Variants in MCUB observed in about 807,000 individuals in gnomAD.
The protein encoded by MCUB is calcium uniporter regulatory subunit MCUb, mitochondrial.
In MCUB, 46 loss-of-function variants were observed where a neutral mutation model predicts 41.4. The observed-to-expected ratio is 1.11, with a 90% CI of 0.88 to 1.42. MCUB has a LOEUF of 1.42. Ranked by LOEUF, MCUB falls within the 40% of genes most tolerant of loss-of-function variation. The probability of loss-of-function intolerance (pLI) is 0.00; values close to 1 mark genes in which losing one functional copy is unlikely to be tolerated. For synonymous variants in MCUB, 148 were observed against 148.2 expected (o/e 1.00, Z 0.01); for missense variants, 403 against 404.9 (o/e 1.00, Z 0.04).
intron 1 of MCUB, 66 bp downstream of exon 1, chr4:109,560,502 T>G: frequency 1.3e-6 from 1 of 765,718 alleles, no homozygotes; most frequent in South Asian, 5.9e-5. Flanking sequence ...TTGGACAACT[T>G]TGGCGGGAGC....
intron 1 of MCUB, among the ~76,000 whole-genome samples, chr4:109,585,704 A>C (rs532742750): frequency 3.9e-5 from 6 of 152,296 alleles, no homozygotes; most frequent in Admixed American, 3.9e-4. Flanking sequence ...TCCTTCACTT[A>C]TGAAGCTTAG....
At chr4:109,629,181 G>A (rs1053336461) in intron 1 of MCUB, among the ~76,000 whole-genome samples, 2 of 151,758 alleles carry the variant, frequency 1.3e-5, no homozygotes, top group Non-Finnish European at 1.5e-5. Context: ...CTATCACCCA[G>A]GCTGGAGTGC....
chr4:109,673,719 A>C (rs1357386931), intron 4 of MCUB: 1 of 488,666 alleles, frequency 2.0e-6, no homozygotes, highest in Admixed American at 3.7e-5. Flanking sequence ...TTGGGGTATG[A>C]AAATTAAGTT....
chr4:109,598,994 A>G (rs867875164), intron 1 of MCUB, among the ~76,000 whole-genome samples: 1 of 152,200 alleles, frequency 6.6e-6, no homozygotes, highest in African/African-American at 2.4e-5. Flanking sequence ...TTAAATTTTG[A>G]CTTTTGGATG....
intron 1 of MCUB, among the ~76,000 whole-genome samples, chr4:109,610,807 A>G (rs541999460): frequency 6.6e-6 from 1 of 152,190 alleles, no homozygotes; most frequent in Non-Finnish European, 1.5e-5. Context: ...ACAGTATCTT[A>G]CTATATTGAA....
At chr4:109,654,230 A>G (rs1297988890) in intron 1 of MCUB, among the ~76,000 whole-genome samples, 1 of 151,928 alleles carries the variant, frequency 6.6e-6, no homozygotes, top group Non-Finnish European at 1.5e-5. Flanking sequence ...GTAATTTTAT[A>G]TTGCTTCCAA....
chr4:109,687,350 C>T (rs1411779868), intron 7 of MCUB, among the ~76,000 whole-genome samples, 165 bp from the exon 8 acceptor site: 1 of 152,040 alleles, frequency 6.6e-6, no homozygotes, highest in Non-Finnish European at 1.5e-5. Flanking sequence ...CAGAATGAAA[C>T]CCCATCTCAA....
intron 1 of MCUB, among the ~76,000 whole-genome samples, chr4:109,581,148 A>C (rs1020649019): frequency 3.3e-5 from 5 of 152,260 alleles, no homozygotes; most frequent in African/African-American, 1.2e-4. Flanking sequence ...GGCTACAGTA[A>C]CCAAAACAGC....
intron 1 of MCUB, among the ~76,000 whole-genome samples, chr4:109,594,524 C>A (rs907360365): frequency 1.3e-5 from 2 of 152,048 alleles, no homozygotes; most frequent in Admixed American, 6.6e-5. Flanking sequence ...GGTGTGGTGG[C>A]GCATGCCTGT....
rs775970241 is a variant in MCUB at position 109,684,560 on chromosome 4, T to C, written c.730T>C (p.Ser244Pro). ...GGCCTGGCTCACGTGGTGGGTGTAC[T>C]CCTGGGATATCATGGAGCCAGTTAC... The part of the protein sequence containing the change: ...ALAWLTWWVY[S>P]WDIMEPVTYF... The change falls in exon 6 of 8, where the codon TCC becomes CCC. Residue 244 changes from serine to proline, a missense_variant. By Grantham distance (74) the Ser-to-Pro change is moderately conservative. Transcript: ENST00000394650. 3 of 1,608,726 alleles carry C rather than the reference T, an allele frequency of 1.9e-6. No homozygotes were observed. The highest frequency in any genetic ancestry group is 2.6e-6 in the Non-Finnish European group (3 of 1,175,110).
chr4:109,651,791 T>C (rs537904693), intron 1 of MCUB, among the ~76,000 whole-genome samples: 1 of 152,296 alleles, frequency 6.6e-6, no homozygotes, highest in Non-Finnish European at 1.5e-5. Flanking sequence ...TATTTTTTTC[T>C]TCTGCATGTG....
Position 109,651,919 on chromosome 4 carries a change from T to C in MCUB, c.100-7092T>C, listed in dbSNP as rs1025722602. Among the ~76,000 whole-genome samples the C allele has an allele frequency of 1.2e-4, 18 of 152,326 alleles. No individual in the cohort carries two copies. In the East Asian group the frequency reaches 1.3e-3, roughly 11 times the overall value. On this transcript the variant is annotated intron_variant, in intron 1 of 7. Transcript: ENST00000394650. ...CATGTGGAGGCCGTCTTCATCCCAT[T>C]TGGGCTATGACACCCACACTAATTG...
intron 3 of MCUB, among the ~76,000 whole-genome samples, chr4:109,663,451 T>C (rs1729270883): frequency 1.3e-5 from 2 of 152,254 alleles, no homozygotes; most frequent in African/African-American, 4.8e-5. Flanking sequence ...CCTAGGATAT[T>C]TGAAATTACT....
At position 109,659,060 on chromosome 4, in the gene MCUB, A is replaced by G. The variant is rs1302369366; in HGVS notation, c.149A>G (p.His50Arg). 3 of 1,535,372 alleles carry G rather than the reference A, an allele frequency of 2.0e-6. No individual in the cohort carries two copies. The highest frequency in any genetic ancestry group is 2.8e-5 in the African/African-American group (2 of 72,686). Reference sequence around the variant, plus strand: ...AATGTGAAATACTACCAGTCACACCATTATAGTACCGTGGTGCCACCTGAT... The same window carrying G: ...AATGTGAAATACTACCAGTCACACCGTTATAGTACCGTGGTGCCACCTGAT... The part of the protein sequence containing the change: ...CGNVKYYQSH[H>R]YSTVVPPDEI... Residue 50 changes from histidine (H) to arginine (R), a missense_variant, in exon 2 of 8, where the codon CAT becomes CGT. His to Arg is a conservative substitution (Grantham distance 29, BLOSUM62 0). Coordinates refer to ENST00000394650, the MANE Select transcript of MCUB (RefSeq NM_017918.5).
chr4:109,619,694 G>T (rs1728213194), intron 1 of MCUB, among the ~76,000 whole-genome samples: 1 of 152,084 alleles, frequency 6.6e-6, no homozygotes. Flanking sequence ...TGACTGGGTG[G>T]GACTCTGTCT....
At chr4:109,661,285 A>G (rs1207141101) in intron 3 of MCUB, among the ~76,000 whole-genome samples, 1 of 152,214 alleles carries the variant, frequency 6.6e-6, no homozygotes. Flanking sequence ...AGCTGCAAAT[A>G]TAGATAAATT....
intron 1 of MCUB, among the ~76,000 whole-genome samples, chr4:109,620,899 CTTTTT>C (rs11408621): frequency 6.8e-6 from 1 of 146,200 alleles, no homozygotes; most frequent in African/African-American, 2.5e-5. Flanking sequence ...CATTCTTCTT[CTTTTT>C]TTTTTTTCCC....
At chr4:109,606,005 C>T (rs1005524978) in intron 1 of MCUB, among the ~76,000 whole-genome samples, 6 of 151,882 alleles carry the variant, frequency 4.0e-5, no homozygotes, top group African/African-American at 7.3e-5. Context: ...GACAGACTCT[C>T]GCTCTGTTGC....
intron 1 of MCUB, among the ~76,000 whole-genome samples, chr4:109,605,901 C>CT (rs1232636310): frequency 1.3e-5 from 2 of 152,052 alleles, no homozygotes; most frequent in East Asian, 3.8e-4. Context: ...TATTTTCAGT[C>CT]TATGTGTCTC....
Sources: allele counts gnomAD v4.1 joint callset (sites outside exome capture counted in the v4.1 genomes callset), GRCh38; gene constraint gnomAD v4.1.1; transcripts MANE v1.5; gene names NCBI Gene and HGNC (gene_info 2026-07-23, HGNC 2026-07-21).